Variants in MAGI2 observed in about 807,000 individuals in gnomAD.
The protein encoded by MAGI2 is membrane associated guanylate kinase, WW and PDZ domain containing 2, also known as membrane-associated guanylate kinase, WW and PDZ domain-containing protein 2.
MAGI2 carries 35 observed loss-of-function variants against 133.3 expected under a neutral mutation model. That is an observed-to-expected ratio of 0.26 (90% CI 0.20 to 0.35). The LOEUF (loss-of-function observed/expected upper bound fraction) is 0.35. Ranked by LOEUF, MAGI2 falls within the 10% of genes least tolerant of loss-of-function variation. The probability of loss-of-function intolerance (pLI) is 1.00; values close to 1 mark genes in which losing one functional copy is unlikely to be tolerated. For missense variants in MAGI2, 1,636 were observed against 1,863.4 expected, an observed-to-expected ratio of 0.88 and a Z score of 2.25; for synonymous variants, 729 against 710.6, an observed-to-expected ratio of 1.03 and a Z score of -0.41.
Position 79,319,906 on chromosome 7 carries a change from T to C in MAGI2, c.301+133114A>G, listed in dbSNP as rs12667196. On this transcript the variant is annotated intron_variant, in intron 1 of 21. Transcript: ENST00000354212. ...TCATAATGTTTTCATCACCTAAAAT[T>C]TAGTCTCAAGTGTTATTTGTTAGTA... Among the ~76,000 whole-genome samples the C allele has an allele frequency of 2.6e-5, 4 of 152,102 alleles. No individual in the cohort carries two copies. The East Asian group carries it at 5.8e-4, about 22-fold the overall frequency.
intron 2 of MAGI2, among the ~76,000 whole-genome samples, chr7:78,719,606 C>T (rs540915226): frequency 3.3e-5 from 5 of 152,234 alleles, no homozygotes; most frequent in African/African-American, 9.6e-5. Context: ...AAGTTGCAAC[C>T]CTCTTTCTTT....
intron 2 of MAGI2, among the ~76,000 whole-genome samples, chr7:78,689,297 T>C (rs1030008093): frequency 6.6e-6 from 1 of 152,192 alleles, no homozygotes; most frequent in Non-Finnish European, 1.5e-5. Context: ...ACGATATATG[T>C]TGAAAATTCT....
intron 16 of MAGI2, among the ~76,000 whole-genome samples, chr7:78,139,664 C>T (rs1014361866): frequency 3.3e-5 from 5 of 152,244 alleles, no homozygotes; most frequent in East Asian, 3.9e-4. Flanking sequence ...TTGGATCAGT[C>T]GTCTTGACAC....
chr7:78,790,231 C>T (rs536060494), intron 2 of MAGI2, among the ~76,000 whole-genome samples: 1 of 152,110 alleles, frequency 6.6e-6, no homozygotes, highest in Non-Finnish European at 1.5e-5. Context: ...GTCTATCATA[C>T]ACATAGGCAT....
At chr7:78,131,827 T>C (rs548250332) in intron 18 of MAGI2, among the ~76,000 whole-genome samples, 7 of 152,282 alleles carry the variant, frequency 4.6e-5, no homozygotes, top group African/African-American at 1.7e-4. Context: ...AGAACCTCAT[T>C]AGATTGTGGG....
At chr7:79,374,367 C>T (rs945553240) in intron 1 of MAGI2, among the ~76,000 whole-genome samples, 2 of 151,646 alleles carry the variant, frequency 1.3e-5, no homozygotes, top group African/African-American at 4.8e-5. Context: ...TGTGAAAATA[C>T]ACACGGAGAA....
At chr7:78,764,967 T>C (rs1467843802) in intron 2 of MAGI2, among the ~76,000 whole-genome samples, 2 of 152,146 alleles carry the variant, frequency 1.3e-5, no homozygotes, top group Non-Finnish European at 1.5e-5. Flanking sequence ...AGGGCCTGGA[T>C]GCAAAGAACT....
In MAGI2 at chr7:79,210,618, G is replaced by A. The variant is rs78489649; in HGVS notation, c.302-203412C>T. Reference sequence around the variant, plus strand: ...GAATAGATATTTTTGCATGGGAAATGTCCCAGCACTAAAAACTTCCATCAC... The same window carrying A: ...GAATAGATATTTTTGCATGGGAAATATCCCAGCACTAAAAACTTCCATCAC... On this transcript the variant is annotated intron_variant, in intron 1 of 21. Coordinates refer to ENST00000354212, the MANE Select transcript of MAGI2 (RefSeq NM_012301.4). Among the ~76,000 whole-genome samples the A allele has an allele frequency of 3.6e-4, 55 of 152,158 alleles. 1 individual carries two copies. In the East Asian group the frequency reaches 9.8e-3, roughly 27 times the overall value.
chr7:78,927,350 T>C (rs547409299), intron 2 of MAGI2, among the ~76,000 whole-genome samples: 9 of 152,122 alleles, frequency 5.9e-5, no homozygotes, highest in Non-Finnish European at 1.2e-4. Flanking sequence ...CCATGGAAAA[T>C]AAATCAATGT....
intron 6 of MAGI2, among the ~76,000 whole-genome samples, chr7:78,479,275 AAAT>A: frequency 6.6e-6 from 1 of 152,086 alleles, no homozygotes; most frequent in East Asian, 1.9e-4. Flanking sequence ...TCAAAACACC[AAAT>A]AATGTTTGCT....
chr7:78,306,938 C>T (rs975133887), intron 9 of MAGI2, among the ~76,000 whole-genome samples: 3 of 152,070 alleles, frequency 2.0e-5, no homozygotes, highest in Non-Finnish European at 4.4e-5. Flanking sequence ...AACAGAGAGA[C>T]GCATATGTCC....
intron 1 of MAGI2, among the ~76,000 whole-genome samples, chr7:79,068,437 T>C (rs1173897106): frequency 6.6e-6 from 1 of 152,220 alleles, no homozygotes; most frequent in Non-Finnish European, 1.5e-5. Flanking sequence ...TCAGTGGTGA[T>C]ATCCCCTTTA....
intron 6 of MAGI2, among the ~76,000 whole-genome samples, chr7:78,376,594 T>G (rs1585051148): frequency 6.6e-6 from 1 of 152,164 alleles, no homozygotes; most frequent in African/African-American, 2.4e-5. Flanking sequence ...TTCAAATAAA[T>G]TTATTCATTA....
At position 79,217,904 on chromosome 7, in the gene MAGI2, T is replaced by C. The variant is rs773523812; in HGVS notation, c.302-210698A>G. Among the ~76,000 whole-genome samples the C allele has an allele frequency of 6.3e-4, 96 of 151,998 alleles. 2 individuals are homozygous for C. The highest frequency in any genetic ancestry group is 3.5e-4 in the Non-Finnish European group (24 of 68,032). On this transcript the variant is annotated intron_variant, in intron 1 of 21. Transcript: ENST00000354212. ...GTAGTTGTTTCCTTTGCTAATATGA[T>C]AAATTTTCTTCTGTGAAAATGACAG...
chr7:78,918,426 C>G (rs145945035), intron 2 of MAGI2, among the ~76,000 whole-genome samples: 46 of 152,258 alleles, frequency 3.0e-4, no homozygotes, highest in African/African-American at 1.1e-3. Flanking sequence ...ACATATTTGA[C>G]ATCCACAACA....
intron 1 of MAGI2, chr7:79,410,517 A>C (rs1846074813): frequency 6.6e-6 from 1 of 152,150 alleles, no homozygotes; most frequent in African/African-American, 2.4e-5. Flanking sequence ...ACATGGGTGG[A>C]AGTACATAAG....
intron 1 of MAGI2, among the ~76,000 whole-genome samples, chr7:79,347,805 T>C (rs985489668): frequency 2.0e-5 from 3 of 151,982 alleles, no homozygotes; most frequent in Admixed American, 6.6e-5. Flanking sequence ...TTTGGAAATA[T>C]TTCATGTATA....
At chr7:78,443,983 T>A (rs565289109) in intron 6 of MAGI2, among the ~76,000 whole-genome samples, 94 of 152,202 alleles carry the variant, frequency 6.2e-4, no homozygotes, top group Non-Finnish European at 1.2e-3. Context: ...GGAGGTGTTG[T>A]TTACTTGAGC....
At chr7:78,735,067 T>G (rs1397567060) in intron 2 of MAGI2, among the ~76,000 whole-genome samples, 4 of 152,220 alleles carry the variant, frequency 2.6e-5, no homozygotes, top group Admixed American at 2.0e-4. Context: ...ACTATCTAAA[T>G]CTACAATACA....
Sources: allele counts gnomAD v4.1 joint callset (sites outside exome capture counted in the v4.1 genomes callset), GRCh38; gene constraint gnomAD v4.1.1; transcripts MANE v1.5; gene names NCBI Gene and HGNC (gene_info 2026-07-23, HGNC 2026-07-21).